Variants in ATL1 observed in about 807,000 individuals in gnomAD.
ATL1 encodes atlastin GTPase 1.
Under a neutral mutation model 75.5 loss-of-function variants are expected in ATL1, and 31 were observed. That is an observed-to-expected ratio of 0.41 (90% CI 0.31 to 0.55). The LOEUF is 0.55. Among genes scored for constraint, ATL1 ranks in the 20% least tolerant of loss-of-function variants. The probability of loss-of-function intolerance (pLI) is 0.27; values close to 1 mark genes in which losing one functional copy is unlikely to be tolerated. For synonymous variants in ATL1, 226 were observed against 233.3 expected, an observed-to-expected ratio of 0.97 and a Z score of 0.28; for missense variants, 405 against 662.6, an observed-to-expected ratio of 0.61 and a Z score of 4.27.
chr14:50,628,286 T>C lies in ATL1; in HGVS notation c.1375T>C (p.Tyr459His). 6.2e-7 allele frequency: 1 copy of C among 1,614,190 alleles called. No homozygotes were observed. Among genetic ancestry groups the C allele is most frequent in the Non-Finnish European group, 8.5e-7 (1 of 1,180,032 alleles). ...ATLFVVIFIT[Y>H]VIAGVTGFIG... The stretch of plus-strand genomic sequence containing the variant: ...ACTGTTTGTAGTCATCTTTATCACA[T>C]ATGTGATTGCTGGTGTGACTGGATT... Residue 459 changes from tyrosine (Y) to histidine (H), a missense_variant, in exon 12 of 14, where the codon TAT becomes CAT. Tyr to His is a moderately conservative substitution (Grantham distance 83). Around this residue, in one of 5 missense-constraint regions of ATL1, gnomAD observed 163 missense variants for 244.1 expected, o/e 0.67. Transcript: ENST00000358385.
chr14:50,621,039 C>G (rs2039462799), intron 9 of ATL1, among the ~76,000 whole-genome samples: 1 of 152,066 alleles, frequency 6.6e-6, no homozygotes, highest in South Asian at 2.1e-4. Flanking sequence ...TTCCCAGGGT[C>G]CATGGTCTAT....
At position 50,615,315 on chromosome 14, in the gene ATL1, A is replaced by T. The variant is rs577566303; in HGVS notation, c.862+804A>T. 5.9e-5 allele frequency among the ~76,000 whole-genome samples: 9 copies of T among 152,326 alleles called. No individual in the cohort carries two copies. The South Asian group carries it at 1.9e-3, about 32-fold the overall frequency. The stretch of plus-strand genomic sequence containing the variant: ...GTTTAATTTACTGTGGCCTTTGTGC[A>T]TCGTGCCAGGAGTGAGACAGTGGCA... On this transcript the variant is annotated intron_variant, in intron 8 of 13. Transcript: ENST00000358385.
At chr14:50,546,665 A>G (rs531904022) in intron 1 of ATL1, among the ~76,000 whole-genome samples, 3 of 152,276 alleles carry the variant, frequency 2.0e-5, no homozygotes, top group Non-Finnish European at 4.4e-5. Flanking sequence ...TCTGCTAGAT[A>G]TTTTAAGATG....
intron 1 of ATL1, among the ~76,000 whole-genome samples, chr14:50,555,008 A>G (rs2038747858): frequency 6.6e-6 from 1 of 152,174 alleles, no homozygotes. Flanking sequence ...AGACCCCAAA[A>G]TTTTTGTTAC....
chr14:50,558,056 T>C (rs1214436688), upstream of ATL1, among the ~76,000 whole-genome samples: 1 of 152,224 alleles, frequency 6.6e-6, no homozygotes, highest in African/African-American at 2.4e-5. Flanking sequence ...CATTAATTTA[T>C]AGAGGGACTC....
chr14:50,560,443 G>T (rs948411237), intron 1 of ATL1, 144 bp downstream of exon 1: 2 of 1,140,248 alleles, frequency 1.8e-6, no homozygotes, highest in Non-Finnish European at 2.5e-6. Flanking sequence ...GCCGCTCCCT[G>T]TTTGGGCGGA....
At chr14:50,600,719 T>A (rs547179022) in intron 6 of ATL1, among the ~76,000 whole-genome samples, 11 of 152,306 alleles carry the variant, frequency 7.2e-5, no homozygotes, top group African/African-American at 2.4e-4. Context: ...ACAGCTTTAT[T>A]CATTTGGGTA....
At chr14:50,564,003 T>G (rs1041462097) in intron 1 of ATL1, among the ~76,000 whole-genome samples, 1 of 152,078 alleles carries the variant, frequency 6.6e-6, no homozygotes. Context: ...CCACAGTCCA[T>G]GCGATGAGGA....
intron 1 of ATL1, among the ~76,000 whole-genome samples, chr14:50,536,436 C>CA (rs34686813): frequency 8.4e-5 from 9 of 107,200 alleles, no homozygotes; most frequent in South Asian, 6.8e-4. Flanking sequence ...AACTCTGTCT[C>CA]AAAAAAAAAA....
chr14:50,565,471 T>C (rs2038894634), intron 1 of ATL1, among the ~76,000 whole-genome samples: 1 of 98,332 alleles, frequency 1.0e-5, no homozygotes, highest in Non-Finnish European at 2.3e-5. Context: ...GGTGGCAGAA[T>C]GAGACTTCAT....
At chr14:50,618,392 A>T (rs996797219) in intron 8 of ATL1, among the ~76,000 whole-genome samples, 5 of 152,198 alleles carry the variant, frequency 3.3e-5, no homozygotes, top group African/African-American at 1.2e-4. Flanking sequence ...CACAATAATA[A>T]ATCTATATAT....
chr14:50,576,521 A>C (rs1285889841), intron 1 of ATL1, among the ~76,000 whole-genome samples: 1 of 152,216 alleles, frequency 6.6e-6, no homozygotes, highest in African/African-American at 2.4e-5. Context: ...AACATATTTA[A>C]GAAAAAAGAA....
At chr14:50,622,078 C>A (rs2039472361) in intron 10 of ATL1, among the ~76,000 whole-genome samples, 179 bp downstream of exon 10, 1 of 152,208 alleles carries the variant, frequency 6.6e-6, no homozygotes, top group Admixed American at 6.5e-5. Flanking sequence ...ATTGCAGCCT[C>A]ACTTGTGTTG....
intron 1 of ATL1, among the ~76,000 whole-genome samples, chr14:50,539,503 A>G (rs1036368988): frequency 6.6e-6 from 1 of 152,206 alleles, no homozygotes; most frequent in Non-Finnish European, 1.5e-5. Context: ...GCCTGACTAT[A>G]AAGGCTTTGG....
chr14:50,579,153 T>C (rs939261886), intron 1 of ATL1, among the ~76,000 whole-genome samples: 2 of 151,870 alleles, frequency 1.3e-5, no homozygotes, highest in African/African-American at 2.4e-5. Flanking sequence ...TGTGATTTAT[T>C]TGGAACTGGT....
intron 11 of ATL1, among the ~76,000 whole-genome samples, chr14:50,627,398 T>G (rs2039532050): frequency 6.6e-6 from 1 of 152,246 alleles, no homozygotes; most frequent in African/African-American, 2.4e-5. Context: ...ACATGTATTA[T>G]CTCTGAGGCA....
chr14:50,541,601 A>G (rs1012612499), intron 1 of ATL1, among the ~76,000 whole-genome samples: 3 of 152,204 alleles, frequency 2.0e-5, no homozygotes, highest in African/African-American at 7.2e-5. Context: ...GAAGGCTATG[A>G]TGCAAGCTGC....
At chr14:50,605,400 A>G (rs2140219308) in intron 6 of ATL1, among the ~76,000 whole-genome samples, 1 of 152,076 alleles carries the variant, frequency 6.6e-6, no homozygotes, top group Non-Finnish European at 1.5e-5. Flanking sequence ...AAAGTCAGTG[A>G]TATACTAGAG....
chr14:50,558,828 C>A (rs1310523163), upstream of ATL1, among the ~76,000 whole-genome samples: 2 of 152,148 alleles, frequency 1.3e-5, no homozygotes, highest in Non-Finnish European at 2.9e-5. Context: ...GTCTGTCTTC[C>A]TATGTTGTTT....
Sources: allele counts gnomAD v4.1 joint callset (sites outside exome capture counted in the v4.1 genomes callset), GRCh38; gene constraint gnomAD v4.1.1; regional missense constraint gnomAD v4.1.1; transcripts MANE v1.5; gene names NCBI Gene and HGNC (gene_info 2026-07-23, HGNC 2026-07-21).